Variants in MAP3K7CL observed in about 807,000 individuals in gnomAD.
MAP3K7CL encodes MAP3K7 C-terminal-like protein.
Under a neutral mutation model 18.6 loss-of-function variants are expected in MAP3K7CL, and 16 were observed. The ratio of observed to expected loss-of-function variants is 0.86; its 90% CI spans 0.58 to 1.31. The LOEUF is 1.31. Ranked by LOEUF, MAP3K7CL falls within the 50% of genes most tolerant of loss-of-function variation. The pLI, the probability that MAP3K7CL is intolerant of heterozygous loss-of-function variation, is 0.00. For synonymous variants in MAP3K7CL, 65 were observed against 66.8 expected, an observed-to-expected ratio of 0.97 and a Z score of 0.13; for missense variants, 163 against 174.4, an observed-to-expected ratio of 0.93 and a Z score of 0.37.
At chr21:29,137,440 A>G (rs1260965039) in intron 2 of MAP3K7CL, among the ~76,000 whole-genome samples, 1 of 152,166 alleles carries the variant, frequency 6.6e-6, no homozygotes, top group Non-Finnish European at 1.5e-5. Flanking sequence ...AGCAGTTAGT[A>G]ATTGCTTCTT....
At chr21:29,109,221 T>C in intron 4 of MAP3K7CL, 1 of 1,535,310 alleles carries the variant, frequency 6.5e-7, no homozygotes, top group Non-Finnish European at 8.7e-7. Context: ...TATTAAGTGC[T>C]ATGAGCTCCG....
intron 4 of MAP3K7CL, among the ~76,000 whole-genome samples, chr21:29,115,993 C>A (rs146415958): frequency 9.3e-4 from 142 of 152,260 alleles, no homozygotes; most frequent in African/African-American, 3.2e-3. Flanking sequence ...GTAAAGCGAG[C>A]CTTGGATTCG....
chr21:29,101,627 C>G (rs2146532119), intron 4 of MAP3K7CL, among the ~76,000 whole-genome samples: 1 of 152,112 alleles, frequency 6.6e-6, no homozygotes, highest in East Asian at 1.9e-4. Context: ...CCAGGATGGT[C>G]TCGATCTCCT....
In MAP3K7CL at chr21:29,136,767, C is replaced by T. The variant is rs189137720; in HGVS notation, c.70+3353C>T. ...AACTCCTGACCTCAAGCAATCGGCC[C>T]GCCTCAGCCTCCCAAAGTGCTGGGA... On this transcript the variant is annotated intron_variant, in intron 2 of 4. Coordinates refer to ENST00000399928, the MANE Select transcript of MAP3K7CL (RefSeq NM_001286620.2). Among the ~76,000 whole-genome samples, 640 of 152,266 alleles carry T rather than the reference C, an allele frequency of 4.2e-3. 5 individuals are homozygous for T. Among genetic ancestry groups the T allele is most frequent in the African/African-American group, 0.014 (582 of 41,532 alleles).
rs150077686 is a variant in MAP3K7CL, at chr21:29,106,210, G to A, written c.370+13629G>A. The stretch of plus-strand genomic sequence containing the variant: ...CGGCACTTTTTTTTTGTTTTGAGAT[G>A]GAGTATTGCTCTGTCGCCCAGGCTG... On this transcript the variant is annotated intron_variant, in intron 4 of 6. Coordinates refer to the MAP3K7CL transcript ENST00000286791. Among the ~76,000 whole-genome samples the A allele has an allele frequency of 3.0e-3, 460 of 152,114 alleles. 1 individual carries two copies. Among genetic ancestry groups the A allele is most frequent in the African/African-American group, 0.011 (439 of 41,492 alleles).
upstream of MAP3K7CL, chr21:29,084,979 A>G (rs969116056): frequency 6.6e-6 from 1 of 152,240 alleles, no homozygotes; most frequent in African/African-American, 2.4e-5. Flanking sequence ...TTATCTCAAG[A>G]TGATTCTCAG....
chr21:29,093,297 C>G (rs2146506226), intron 4 of MAP3K7CL, among the ~76,000 whole-genome samples: 1 of 152,340 alleles, frequency 6.6e-6, no homozygotes, highest in South Asian at 2.1e-4. Context: ...GATGCACAAT[C>G]CATTTTTCAT....
chr21:29,101,388 C>T (rs935583493), intron 4 of MAP3K7CL, among the ~76,000 whole-genome samples: 1 of 152,120 alleles, frequency 6.6e-6, no homozygotes, highest in Admixed American at 6.5e-5. Flanking sequence ...TTGTTCTCAG[C>T]CTGGTCTTGT....
chr21:29,139,895 CTTTTT>C (rs5843369), intron 2 of MAP3K7CL, among the ~76,000 whole-genome samples: 5 of 67,344 alleles, frequency 7.4e-5, no homozygotes, highest in Non-Finnish European at 1.4e-4. Flanking sequence ...CCATCTCTGG[CTTTTT>C]TTTTTTTTTT....
chr21:29,164,630 G>A (rs1037073186), intron 4 of MAP3K7CL, among the ~76,000 whole-genome samples: 1 of 152,210 alleles, frequency 6.6e-6, no homozygotes, highest in Non-Finnish European at 1.5e-5. Flanking sequence ...TCTGTTGGAT[G>A]GAGAAAGAGA....
intron 4 of MAP3K7CL, among the ~76,000 whole-genome samples, chr21:29,116,794 A>T (rs1368876887): frequency 1.3e-5 from 2 of 152,194 alleles, no homozygotes; most frequent in African/African-American, 4.8e-5. Context: ...ATATATAAAT[A>T]ATTTTATCAT....
chr21:29,147,955 T>C (rs910930408), intron 2 of MAP3K7CL, among the ~76,000 whole-genome samples: 3 of 151,878 alleles, frequency 2.0e-5, no homozygotes, highest in Admixed American at 6.6e-5. Context: ...ATCTCTATTA[T>C]ATATTATATA....
At chr21:29,086,267 G>C (rs542760679) in intron 1 of MAP3K7CL, among the ~76,000 whole-genome samples, 8 of 152,302 alleles carry the variant, frequency 5.3e-5, no homozygotes, top group South Asian at 4.1e-4. Flanking sequence ...GCTTTATATG[G>C]TGTTCTTAGA....
Position 29,130,812 on chromosome 21 carries a change from T to C in MAP3K7CL, c.-151T>C. ...CTCCTCAGATTGTCAGTGGCTGCTA[T>C]GCAGCAGGTGCAGCCTGGTCTCTCA... On this transcript the variant is annotated 5_prime_UTR_variant, in exon 1 of 5. The change abolishes an upstream ATG in the 5' untranslated region. Transcript: ENST00000399928. The C allele has an allele frequency of 2.0e-6, 2 of 985,584 alleles. No individual in the cohort carries two copies. The highest frequency in any genetic ancestry group is 2.4e-6 in the Non-Finnish European group (2 of 830,038). 61.1% of individuals were successfully genotyped at this position (985,584 alleles called of 1,614,324 possible).
At chr21:29,083,889 C>T (rs1183492496), upstream of MAP3K7CL, among the ~76,000 whole-genome samples, 3 of 148,248 alleles carry the variant, frequency 2.0e-5, no homozygotes, top group Non-Finnish European at 4.5e-5. Context: ...ATAATATTAC[C>T]TCTCTTGTTT....
intron 4 of MAP3K7CL, among the ~76,000 whole-genome samples, chr21:29,101,664 T>C (rs2086232875): frequency 6.6e-6 from 1 of 152,170 alleles, no homozygotes; most frequent in African/African-American, 2.4e-5. Flanking sequence ...TGCCTTGGCC[T>C]CCCGAAGTGC....
chr21:29,126,936 C>T (rs892127870), upstream of MAP3K7CL, among the ~76,000 whole-genome samples: 21 of 152,194 alleles, frequency 1.4e-4, no homozygotes, highest in African/African-American at 4.8e-4. Flanking sequence ...AATGTCTTCT[C>T]AACTATTCTC....
intron 3 of MAP3K7CL, among the ~76,000 whole-genome samples, chr21:29,154,683 C>T (rs2087357879): frequency 6.6e-6 from 1 of 152,178 alleles, no homozygotes; most frequent in Admixed American, 6.5e-5. Flanking sequence ...GAAGTCTAGC[C>T]TTCCAGGATT....
At chr21:29,099,240 A>G (rs2086177200) in intron 4 of MAP3K7CL, among the ~76,000 whole-genome samples, 1 of 144,486 alleles carries the variant, frequency 6.9e-6, no homozygotes, top group Non-Finnish European at 1.5e-5. Context: ...ACATGTGTAC[A>G]CCACTGTACC....
Sources: gnomAD v4.1 joint callset for allele counts (sites outside exome capture counted in the v4.1 genomes callset) on GRCh38, gnomAD v4.1.1 for gene constraint, MANE v1.5 for transcripts, NCBI Gene and HGNC (gene_info 2026-07-23, HGNC 2026-07-21) for gene names.